Variants in TEX44 observed in about 807,000 individuals in gnomAD.
The protein encoded by TEX44 is testis expressed 44.
For synonymous variants in TEX44, 196 were observed against 205.9 expected (o/e 0.95, Z 0.41); for missense variants, 487 against 509.6 (o/e 0.96, Z 0.43).
At position 231,593,828 on chromosome 2, in the gene TEX44, A is replaced by G. The variant is rs747710881; in HGVS notation, c.877A>G (p.Ile293Val). Residue 293 changes from isoleucine (I) to valine (V), a missense_variant, in exon 1 of 1, where the codon ATC becomes GTC. Ile to Val is a conservative substitution (Grantham distance 29, BLOSUM62 3). Coordinates refer to ENST00000313965, the MANE Select transcript of TEX44 (RefSeq NM_152614.3). ...GEGSISSLAD[I>V]LVWSETTMGM... is the part of the protein sequence containing the mutation. ...GGGCTCCATCAGCTCCCTGGCAGAC[A>G]TCCTGGTGTGGTCCGAGACCACCAT... 17 of 1,611,472 alleles carry G rather than the reference A, an allele frequency of 1.1e-5. No individual in the cohort carries two copies. The highest frequency in any genetic ancestry group is 1.4e-5 in the Non-Finnish European group (17 of 1,179,990).
chr2:231,594,091 C>T lies in TEX44; in HGVS notation c.1140C>T (p.Thr380=). The change falls in exon 1 of 1, where the codon ACC becomes ACT. Residue 380 remains threonine, a synonymous_variant. Transcript: ENST00000313965. The part of the protein sequence containing the change: ...EGIRSAMRYL[T]SHLTPRQAQA... ...TCCGCTCAGCCATGCGCTACCTGAC[C>T]AGCCACCTCACCCCACGCCAGGCCC... The T allele has an allele frequency of 6.2e-7, 1 of 1,613,474 alleles. No individual in the cohort carries two copies. The highest frequency in any genetic ancestry group is 2.2e-5 in the East Asian group (1 of 44,874).
chr2:231,594,196 A>G lies in TEX44; in HGVS notation c.*57A>G. 6.9e-7 allele frequency: 1 copy of G among 1,451,060 alleles called. No individual in the cohort carries two copies. Among genetic ancestry groups the G allele is most frequent in the South Asian group, 1.3e-5 (1 of 79,910 alleles). The allele number at this position is 1,451,060 out of a possible 1,614,324, so 89.9% of individuals were successfully genotyped here. The stretch of plus-strand genomic sequence containing the variant: ...TCAGTGGCCTCCAGAGATCCCTGGG[A>G]CCCTCACGCCCTGCTCCCTTGCCCA... On this transcript the variant is annotated 3_prime_UTR_variant, in exon 1 of 1. Coordinates refer to ENST00000313965, the MANE Select transcript of TEX44 (RefSeq NM_152614.3).
Position 231,593,385 on chromosome 2 carries a change from C to T in TEX44, c.434C>T (p.Pro145Leu), listed in dbSNP as rs760973242. 71 of 1,614,052 alleles carry T rather than the reference C, an allele frequency of 4.4e-5. No homozygotes were observed. Among genetic ancestry groups the T allele is most frequent in the Non-Finnish European group, 5.3e-5 (63 of 1,180,050 alleles). The change falls in exon 1 of 1, where the codon CCG becomes CTG. Residue 145 changes from proline (P) to leucine (L), a missense_variant. Transcript: ENST00000313965. The part of the protein sequence containing the change: ...SQMASVPERE[P>L]ESAPSAPSAE... ...ATGGCGAGTGTTCCTGAGAGAGAGC[C>T]GGAGTCAGCCCCCTCTGCCCCGAGT...
chr2:231,592,887 G>A lies in TEX44; in HGVS notation c.-65G>A. ...CCACTCCCTCCAACCGCCACAAGCA[G>A]CAAAGGGCATAGATGACCACAGGAG... On this transcript the variant is annotated 5_prime_UTR_variant, in exon 1 of 1. Coordinates refer to ENST00000313965, the MANE Select transcript of TEX44 (RefSeq NM_152614.3). 1 of 1,357,674 alleles carries A rather than the reference G, an allele frequency of 7.4e-7. No homozygotes were observed. 84.1% of individuals were successfully genotyped at this position (1,357,674 alleles called of 1,614,324 possible). A position where few individuals can be genotyped will look rare whatever the true frequency, so the allele number is the denominator to read the frequency against.
Position 231,593,980 on chromosome 2 carries a change from C to T in TEX44, c.1029C>T (p.Ser343=), listed in dbSNP as rs1386728182. ...SLVGSVSSAF[S]SGLVSGTSSA... is the part of the protein sequence containing the mutation. ...TGGGAAGCGTCAGCTCGGCCTTCTC[C>T]TCTGGGCTGGTGTCAGGGACCAGCT... is the stretch of plus-strand genomic sequence containing the variant. The change falls in exon 1 of 1, where the codon TCC becomes TCT. Residue 343 remains serine (S), a synonymous_variant. Coordinates refer to ENST00000313965, the MANE Select transcript of TEX44 (RefSeq NM_152614.3). 6.8e-6 allele frequency: 11 copies of T among 1,610,432 alleles called. No homozygotes were observed. Among genetic ancestry groups the T allele is most frequent in the African/African-American group, 1.3e-5 (1 of 74,918 alleles).
In TEX44 at chr2:231,593,204, A is replaced by G; in HGVS notation, c.253A>G (p.Ile85Val). The change falls in exon 1 of 1, where the codon ATC becomes GTC. Residue 85 changes from isoleucine (I) to valine (V), a missense_variant. Physicochemically the swap from Ile to Val is conservative, Grantham distance 29. Coordinates refer to ENST00000313965, the MANE Select transcript of TEX44 (RefSeq NM_152614.3). ...PEHGQKTPRK[I>V]TPLLPSQNPS... ...ACACGGCCAGAAGACACCCAGAAAA[A>G]TCACACCTCTGCTTCCCAGCCAAAA... 6.2e-7 allele frequency: 1 copy of G among 1,614,124 alleles called. No individual in the cohort carries two copies.
Position 231,594,203 on chromosome 2 carries a change from C to A in TEX44, c.*64C>A. 3 of 1,370,320 alleles carry A rather than the reference C, an allele frequency of 2.2e-6. No homozygotes were observed. Among genetic ancestry groups the A allele is most frequent in the Non-Finnish European group, 3.0e-6 (3 of 995,194 alleles). The allele number at this position is 1,370,320 out of a possible 1,614,324, so 84.9% of individuals were successfully genotyped here. On this transcript the variant is annotated 3_prime_UTR_variant, in exon 1 of 1. Coordinates refer to ENST00000313965, the MANE Select transcript of TEX44 (RefSeq NM_152614.3). ...CCTCCAGAGATCCCTGGGACCCTCA[C>A]GCCCTGCTCCCTTGCCCATTCTTGC...
chr2:231,592,918 T>G lies in TEX44; in HGVS notation c.-34T>G, dbSNP rs746560724. On this transcript the variant is annotated 5_prime_UTR_variant, in exon 1 of 1. An upstream open reading frame in the 5' UTR loses its in-frame stop. Coordinates refer to ENST00000313965, the MANE Select transcript of TEX44 (RefSeq NM_152614.3). The stretch of plus-strand genomic sequence containing the variant: ...GGCATAGATGACCACAGGAGAGCCC[T>G]AGGGGGAGGCCGGCTCCACCAGCAG... 10 of 1,566,886 alleles carry G rather than the reference T, an allele frequency of 6.4e-6. No individual in the cohort carries two copies. The highest frequency in any genetic ancestry group is 4.4e-6 in the Non-Finnish European group (5 of 1,138,606).
rs371492944 is a variant in TEX44, at chr2:231,593,516, A to G, written c.565A>G (p.Thr189Ala). Residue 189 changes from threonine (T) to alanine (A), a missense_variant, in exon 1 of 1, where the codon ACC (threonine) becomes GCC (alanine). By Grantham distance (58) the Thr-to-Ala change is moderately conservative. Transcript: ENST00000313965. Reference sequence around the variant, plus strand: ...CCAGCATGGCCCTCAGGCTGCCAGCACCACCAAGTCTGCTGAGGAGAAAGC... The same window carrying G: ...CCAGCATGGCCCTCAGGCTGCCAGCGCCACCAAGTCTGCTGAGGAGAAAGC... ...NGQHGPQAAS[T>A]TKSAEEKAEH... 17 of 1,613,990 alleles carry G rather than the reference A, an allele frequency of 1.1e-5. No homozygotes were observed. In the African/African-American group the frequency reaches 1.3e-4, roughly 13 times the overall value.
At position 231,592,956 on chromosome 2, in the gene TEX44, C is replaced by T. The variant is rs1032840659; in HGVS notation, c.5C>T (p.Ala2Val). 2 of 1,613,156 alleles carry T rather than the reference C, an allele frequency of 1.2e-6. No individual in the cohort carries two copies. The highest frequency in any genetic ancestry group is 8.5e-7 in the Non-Finnish European group (1 of 1,179,384). The change falls in exon 1 of 1, where the codon GCA (alanine) becomes GTA (valine). Residue 2 changes from alanine (A) to valine (V), a missense_variant. Transcript: ENST00000313965. M[A>V]LPGYPLGNVD... ...GCTCCACCAGCAGCCCCATACATGG[C>T]ACTCCCAGGGTACCCCCTGGGCAAC...
rs1422110931 is a variant in TEX44 at position 231,593,464 on chromosome 2, T to A, written c.513T>A (p.Ala171=). ...HMEAQPVESD[A]DHVTAGANGQ... ...AGGCTCAGCCCGTCGAGAGTGATGCTGACCATGTCACAGCAGGTGCCAATG... is the reference window on the plus strand; with the variant it reads ...AGGCTCAGCCCGTCGAGAGTGATGCAGACCATGTCACAGCAGGTGCCAATG... The change falls in exon 1 of 1, where the codon GCT becomes GCA. Residue 171 remains alanine (A), a synonymous_variant. Coordinates refer to ENST00000313965, the MANE Select transcript of TEX44 (RefSeq NM_152614.3). 2.5e-6 allele frequency: 4 copies of A among 1,614,198 alleles called. No individual in the cohort carries two copies. The highest frequency in any genetic ancestry group is 3.4e-6 in the Non-Finnish European group (4 of 1,180,038).
chr2:231,593,713 G>C lies in TEX44; in HGVS notation c.762G>C (p.Leu254=). ...CGCCTGGCCCCCACGAGGTGGCCCT[G>C]GGGAGAAGGCCCCTGGACTCCAGCC... ...SPSPGPHEVA[L]GRRPLDSSLY... Residue 254 remains leucine, a synonymous_variant, in exon 1 of 1, where the codon CTG becomes CTC. Coordinates refer to ENST00000313965, the MANE Select transcript of TEX44 (RefSeq NM_152614.3). 1 of 1,611,348 alleles carries C rather than the reference G, an allele frequency of 6.2e-7. No homozygotes were observed. The highest frequency in any genetic ancestry group is 1.1e-5 in the South Asian group (1 of 91,080).
Position 231,593,331 on chromosome 2 carries a change from ACCT to A in TEX44, c.384_386del (p.Leu129del). The A allele has an allele frequency of 6.2e-7, 1 of 1,614,116 alleles. No homozygotes were observed. Among genetic ancestry groups the A allele is most frequent in the Non-Finnish European group, 8.5e-7 (1 of 1,180,030 alleles). On this transcript the variant is annotated inframe_deletion, in exon 1 of 1. Coordinates refer to ENST00000313965, the MANE Select transcript of TEX44 (RefSeq NM_152614.3). ...CAGAGTCTAGTGGTTTTCCCAAGTC[ACCT>A]CCTGGGTAAAGACAAGATGTCACAA... is the stretch of plus-strand genomic sequence containing the variant.
rs1288513826 is a variant in TEX44 at position 231,593,842 on chromosome 2, C to T, written c.891C>T (p.Ser297=). 6.2e-6 allele frequency: 10 copies of T among 1,610,880 alleles called. No individual in the cohort carries two copies. Among genetic ancestry groups the T allele is most frequent in the South Asian group, 3.3e-5 (3 of 91,080 alleles). The part of the protein sequence containing the change: ...ISSLADILVW[S]ETTMGMAIAT... ...CCCTGGCAGACATCCTGGTGTGGTC[C>T]GAGACCACCATGGGCATGGCCATAG... The change falls in exon 1 of 1, where the codon TCC becomes TCT. Residue 297 remains serine, a synonymous_variant. Coordinates refer to ENST00000313965, the MANE Select transcript of TEX44 (RefSeq NM_152614.3).
Position 231,593,562 on chromosome 2 carries a change from A to G in TEX44, c.611A>G (p.His204Arg), listed in dbSNP as rs1413108079. 1.2e-6 allele frequency: 2 copies of G among 1,613,856 alleles called. No individual in the cohort carries two copies. Among genetic ancestry groups the G allele is most frequent in the Non-Finnish European group, 1.7e-6 (2 of 1,179,954 alleles). The change falls in exon 1 of 1, where the codon CAC becomes CGC. Residue 204 changes from histidine (H) to arginine (R), a missense_variant. By Grantham distance (29) the His-to-Arg change is conservative (BLOSUM62 0). Coordinates refer to ENST00000313965, the MANE Select transcript of TEX44 (RefSeq NM_152614.3). ...EEKAEHPKAP[H>R]PEAEALPSDE... ...AAAGCTGAGCATCCAAAGGCCCCAC[A>G]CCCTGAAGCTGAAGCTTTACCATCT...
In TEX44 at chr2:231,593,488, T is replaced by C. The variant is rs1446002233; in HGVS notation, c.537T>C (p.Asn179=). 6.2e-7 allele frequency: 1 copy of C among 1,614,136 alleles called. No homozygotes were observed. Among genetic ancestry groups the C allele is most frequent in the Non-Finnish European group, 8.5e-7 (1 of 1,180,036 alleles). Residue 179 remains asparagine (N), a synonymous_variant, in exon 1 of 1, where the codon AAT becomes AAC. Coordinates refer to ENST00000313965, the MANE Select transcript of TEX44 (RefSeq NM_152614.3). The part of the protein sequence containing the change: ...SDADHVTAGA[N]GQHGPQAAST... Reference sequence around the variant, plus strand: ...CTGACCATGTCACAGCAGGTGCCAATGGCCAGCATGGCCCTCAGGCTGCCA... The same window carrying C: ...CTGACCATGTCACAGCAGGTGCCAACGGCCAGCATGGCCCTCAGGCTGCCA...
rs375754022 is a variant in TEX44 at position 231,594,061 on chromosome 2, G to A, written c.1110G>A (p.Glu370=). Residue 370 remains glutamate, a synonymous_variant, in exon 1 of 1, where the codon GAG becomes GAA. Coordinates refer to ENST00000313965, the MANE Select transcript of TEX44 (RefSeq NM_152614.3). ...AGACAGTGGAGCAGAGGACCGTGGA[G>A]GGCATCCGCTCAGCCATGCGCTACC... The part of the protein sequence containing the change: ...VLETVEQRTV[E]GIRSAMRYLT... 29 of 1,612,058 alleles carry A rather than the reference G, an allele frequency of 1.8e-5. No individual in the cohort carries two copies. Among genetic ancestry groups the A allele is most frequent in the Non-Finnish European group, 2.1e-5 (25 of 1,180,008 alleles).
rs2047773247 is a variant in TEX44, at chr2:231,593,208, C to T, written c.257C>T (p.Thr86Ile). The T allele has an allele frequency of 4.3e-6, 7 of 1,614,154 alleles. No individual in the cohort carries two copies. The highest frequency in any genetic ancestry group is 2.2e-5 in the East Asian group (1 of 44,890). Residue 86 changes from threonine (T) to isoleucine (I), a missense_variant, in exon 1 of 1, where the codon ACA becomes ATA. Physicochemically the swap from Thr to Ile is moderately conservative, Grantham distance 89. Transcript: ENST00000313965. ...EHGQKTPRKI[T>I]PLLPSQNPSP... ...GGCCAGAAGACACCCAGAAAAATCA[C>T]ACCTCTGCTTCCCAGCCAAAATCCA...
rs2047770443 is a variant in TEX44, at chr2:231,592,878, C to T, written c.-74C>T. 1.6e-6 allele frequency: 2 copies of T among 1,283,682 alleles called. No individual in the cohort carries two copies. Among genetic ancestry groups the T allele is most frequent in the Non-Finnish European group, 2.2e-6 (2 of 896,878 alleles). The allele number at this position is 1,283,682 out of a possible 1,614,324, so 79.5% of individuals were successfully genotyped here. ...GGGTTGCAGCCACTCCCTCCAACCGCCACAAGCAGCAAAGGGCATAGATGA... is the reference window on the plus strand; with the variant it reads ...GGGTTGCAGCCACTCCCTCCAACCGTCACAAGCAGCAAAGGGCATAGATGA... On this transcript the variant is annotated 5_prime_UTR_variant, in exon 1 of 1. Transcript: ENST00000313965.
Sources: allele counts gnomAD v4.1 joint callset, GRCh38; gene constraint gnomAD v4.1.1; transcripts MANE v1.5; gene names NCBI Gene and HGNC (gene_info 2026-07-23, HGNC 2026-07-21).